The following MARCHF5 variants were observed in gnomAD, a reference collection of about 807,000 sequenced individuals.
The protein encoded by MARCHF5 is E3 ubiquitin-protein ligase MARCHF5.
MARCHF5 carries 5 observed loss-of-function variants against 36.5 expected under a neutral mutation model. The observed-to-expected ratio is 0.14, with a 90% CI of 0.07 to 0.29. The LOEUF is 0.29. Among genes scored for constraint, MARCHF5 ranks in the 10% least tolerant of loss-of-function variants. The pLI is 1.00. For synonymous variants in MARCHF5, 103 were observed against 109.9 expected (o/e 0.94, Z 0.39); for missense variants, 179 against 336.3 (o/e 0.53, Z 3.66).
intron 2 of MARCHF5, among the ~76,000 whole-genome samples, chr10:92,327,049 A>G (rs766942430): frequency 6.6e-6 from 1 of 151,892 alleles, no homozygotes; most frequent in Non-Finnish European, 1.5e-5. Flanking sequence ...CTCTCTCCCT[A>G]CACTTACACA....
rs748902839 is a variant in MARCHF5, at chr10:92,328,801, TTA to T, written c.239-11852_239-11851del. Among the ~76,000 whole-genome samples the T allele has an allele frequency of 7.4e-3, 1,013 of 137,250 alleles. 12 individuals carry two copies. Among genetic ancestry groups the T allele is most frequent in the African/African-American group, 0.026 (964 of 36,886 alleles). 90.0% of individuals were successfully genotyped at this position (137,250 alleles called of 152,430 possible). ...TGTTTAGATCTTGTCAGTGAGGTTA[TTA>T]TATATATATATATATATATTTTTTT... On this transcript the variant is annotated intron_variant, in intron 2 of 5. Transcript: ENST00000358935.
At position 92,353,143 on chromosome 10, in the gene MARCHF5, G is replaced by A. The variant is rs1234029299; in HGVS notation, c.*1936G>A. ...GGGGCAGGAGGGAGGGTTTTTTTAGGGTTGCGGGGAGGGAACTGCAAGTGC... is the reference window on the plus strand; with the variant it reads ...GGGGCAGGAGGGAGGGTTTTTTTAGAGTTGCGGGGAGGGAACTGCAAGTGC... On this transcript the variant is annotated 3_prime_UTR_variant, in exon 6 of 6. Transcript: ENST00000358935. The A allele has an allele frequency of 2.0e-5, 3 of 152,214 alleles. No individual in the cohort carries two copies. The highest frequency in any genetic ancestry group is 7.2e-5 in the African/African-American group (3 of 41,534). The allele number at this position is 152,214 out of a possible 1,614,324, so 9.4% of individuals were successfully genotyped here.
intron 3 of MARCHF5, among the ~76,000 whole-genome samples, chr10:92,348,762 G>C (rs1843685401): frequency 1.3e-5 from 2 of 152,090 alleles, no homozygotes; most frequent in African/African-American, 4.8e-5. Flanking sequence ...TCCTACTACA[G>C]TCCCTCAATT....
chr10:92,303,884 T>C (rs1340286370), intron 1 of MARCHF5, among the ~76,000 whole-genome samples: 3 of 152,216 alleles, frequency 2.0e-5, no homozygotes, highest in Non-Finnish European at 4.4e-5. Flanking sequence ...CTTCATATAA[T>C]GACAGTGATT....
intron 2 of MARCHF5, among the ~76,000 whole-genome samples, chr10:92,340,433 G>A (rs896913003): frequency 2.0e-5 from 3 of 152,204 alleles, no homozygotes; most frequent in African/African-American, 4.8e-5. Flanking sequence ...TAGGCTGAGT[G>A]TAGTAGCTCA....
At chr10:92,328,821 A>ATATATATATATT (rs372130854) in intron 2 of MARCHF5, among the ~76,000 whole-genome samples, 5 of 122,444 alleles carry the variant, frequency 4.1e-5, no homozygotes, top group African/African-American at 1.3e-4. Context: ...ATATATATAT[A>ATATATATATATT]TTTTTTTTTT....
chr10:92,351,576 G>A lies in MARCHF5; in HGVS notation c.*369G>A, dbSNP rs1287753609. 6.4e-6 allele frequency: 1 copy of A among 156,014 alleles called. No individual in the cohort carries two copies. The highest frequency in any genetic ancestry group is 1.4e-5 in the Non-Finnish European group (1 of 70,626). 9.7% of individuals were successfully genotyped at this position (156,014 alleles called of 1,614,324 possible). Reference sequence around the variant, plus strand: ...CCTCTTTTGTACATGTTCATGTTTAGTGTTTTCTCAGAATCAGCAACTCAA... The same window carrying A: ...CCTCTTTTGTACATGTTCATGTTTAATGTTTTCTCAGAATCAGCAACTCAA... On this transcript the variant is annotated 3_prime_UTR_variant, in exon 6 of 6. Transcript: ENST00000358935.
At chr10:92,301,977 C>G (rs963281388) in intron 1 of MARCHF5, among the ~76,000 whole-genome samples, 1 of 152,108 alleles carries the variant, frequency 6.6e-6, no homozygotes, top group Non-Finnish European at 1.5e-5. Flanking sequence ...AGGAGGATCG[C>G]TTGAACCCGG....
At chr10:92,300,879 T>C (rs1172824729) in intron 1 of MARCHF5, among the ~76,000 whole-genome samples, 1 of 147,872 alleles carries the variant, frequency 6.8e-6, no homozygotes, top group Non-Finnish European at 1.5e-5. Flanking sequence ...TCATCTTCAG[T>C]GCCTCCTAAT....
intron 2 of MARCHF5, among the ~76,000 whole-genome samples, chr10:92,328,822 T>TATATA (rs1491512830): frequency 3.0e-4 from 16 of 52,762 alleles, no homozygotes; most frequent in African/African-American, 8.8e-4. Flanking sequence ...TATATATATA[T>TATATA]TTTTTTTTTT....
At chr10:92,323,420 G>A (rs1564948925) in intron 2 of MARCHF5, among the ~76,000 whole-genome samples, 1 of 151,988 alleles carries the variant, frequency 6.6e-6, no homozygotes, top group Non-Finnish European at 1.5e-5. Flanking sequence ...GTTTACATTA[G>A]GGTTCACTCT....
intron 1 of MARCHF5, among the ~76,000 whole-genome samples, chr10:92,299,627 G>A (rs1359116664): frequency 6.6e-6 from 1 of 152,088 alleles, no homozygotes; most frequent in Non-Finnish European, 1.5e-5. Context: ...ACATTGTACT[G>A]TAAATTTTTT....
At chr10:92,336,902 C>A (rs1319940320) in intron 2 of MARCHF5, among the ~76,000 whole-genome samples, 1 of 152,046 alleles carries the variant, frequency 6.6e-6, no homozygotes, top group Non-Finnish European at 1.5e-5. Context: ...GTGGGCAGAT[C>A]GCTTGAGCCT....
In MARCHF5 at chr10:92,312,962, G is replaced by A. The variant is rs537342528; in HGVS notation, c.238+1625G>A. On this transcript the variant is annotated intron_variant, in intron 2 of 5. Transcript: ENST00000358935. ...AGAAAAGAGTAAATCTTGGCTGGGCGTGGCGGCTCACGCCTGTAATCCCAG... is the reference window on the plus strand; with the variant it reads ...AGAAAAGAGTAAATCTTGGCTGGGCATGGCGGCTCACGCCTGTAATCCCAG... Among the ~76,000 whole-genome samples, 7 of 152,372 alleles carry A rather than the reference G, an allele frequency of 4.6e-5. No homozygotes were observed. In the East Asian group the frequency reaches 7.7e-4, roughly 17 times the overall value.
intron 2 of MARCHF5, among the ~76,000 whole-genome samples, chr10:92,322,237 T>C (rs1590657236): frequency 1.4e-5 from 1 of 69,658 alleles, no homozygotes; most frequent in Non-Finnish European, 2.4e-5. Context: ...AGAGCGAAAC[T>C]CCGTCTCAAA....
At chr10:92,332,617 T>C (rs1843450233) in intron 2 of MARCHF5, among the ~76,000 whole-genome samples, 1 of 145,394 alleles carries the variant, frequency 6.9e-6, no homozygotes, top group Non-Finnish European at 1.5e-5. Context: ...ACCTCCTGGG[T>C]TCAAGTGATT....
intron 2 of MARCHF5, among the ~76,000 whole-genome samples, chr10:92,315,254 A>G (rs1406598992): frequency 3.3e-5 from 5 of 152,220 alleles, no homozygotes; most frequent in African/African-American, 4.8e-5. Context: ...TAAACAAAAT[A>G]CTTAAGAGCC....
chr10:92,326,992 C>T (rs1339374300), intron 2 of MARCHF5, among the ~76,000 whole-genome samples: 1 of 151,940 alleles, frequency 6.6e-6, no homozygotes, highest in African/African-American at 2.4e-5. Context: ...TATTTCATTG[C>T]AGTTTGTTTC....
intron 1 of MARCHF5, among the ~76,000 whole-genome samples, chr10:92,303,507 C>A (rs1293345125): frequency 6.6e-6 from 1 of 152,016 alleles, no homozygotes; most frequent in Non-Finnish European, 1.5e-5. Context: ...TTTCTTGGCA[C>A]TTAATGCTTG....
Sources: gnomAD v4.1 joint callset for allele counts (sites outside exome capture counted in the v4.1 genomes callset) on GRCh38, gnomAD v4.1.1 for gene constraint, MANE v1.5 for transcripts, NCBI Gene and HGNC (gene_info 2026-07-23, HGNC 2026-07-21) for gene names.